The following RBM20 variants were observed in gnomAD, a reference collection of about 807,000 sequenced individuals.
RBM20 encodes RNA binding motif protein 20.
A neutral mutation model predicts 110.1 loss-of-function variants in RBM20; 51 were observed. The observed-to-expected ratio is 0.46, with a 90% CI of 0.37 to 0.59. The LOEUF (loss-of-function observed/expected upper bound fraction) is 0.59. Among genes scored for constraint, RBM20 ranks in the 20% least tolerant of loss-of-function variants. RBM20 has a pLI of 0.00. For synonymous variants in RBM20, 589 were observed against 618.2 expected (o/e 0.95, Z 0.70); for missense variants, 1,512 against 1,574.9 (o/e 0.96, Z 0.68).
intron 1 of RBM20, among the ~76,000 whole-genome samples, chr10:110,738,512 A>AC (rs923255910): frequency 4.0e-5 from 6 of 151,882 alleles, no homozygotes; most frequent in African/African-American, 1.4e-4. Context: ...CACGGCCCGA[A>AC]CCCCCCGTGG....
At chr10:110,726,843 TTTTTG>T (rs1430174279) in intron 1 of RBM20, among the ~76,000 whole-genome samples, 2 of 152,104 alleles carry the variant, frequency 1.3e-5, no homozygotes, top group Non-Finnish European at 2.9e-5. Flanking sequence ...TGAGCCTGTA[TTTTTG>T]TTTTGTTTTA....
chr10:110,710,535 T>C (rs1244161219), intron 1 of RBM20, among the ~76,000 whole-genome samples: 1 of 152,238 alleles, frequency 6.6e-6, no homozygotes, highest in Non-Finnish European at 1.5e-5. Context: ...TCTTCAGTTC[T>C]CTGCCTCCCA....
intron 1 of RBM20, among the ~76,000 whole-genome samples, chr10:110,712,322 A>G (rs1315191173): frequency 6.6e-6 from 1 of 152,222 alleles, no homozygotes; most frequent in Non-Finnish European, 1.5e-5. Flanking sequence ...AGTAGCAATA[A>G]TAGTGGTGGT....
At position 110,781,285 on chromosome 10, in the gene RBM20, G is replaced by A. The variant is rs1033220280; in HGVS notation, c.676G>A (p.Ala226Thr). The part of the protein sequence containing the change: ...IGKTGPAPAT[A>T]GFYEYGKASS... ...CAAGACTGGGCCTGCTCCAGCTACA[G>A]CAGGATTCTATGAGTATGGCAAAGC... Residue 226 changes from alanine (A) to threonine (T), a missense_variant, in exon 2 of 14, where the codon GCA (alanine) becomes ACA (threonine). Around this residue, in one of 3 missense-constraint regions of RBM20, gnomAD observed 1,149 missense variants for 1,169.4 expected, o/e 0.98. Coordinates refer to ENST00000369519, the MANE Select transcript of RBM20 (RefSeq NM_001134363.3). The A allele has an allele frequency of 2.6e-6, 4 of 1,551,594 alleles. No individual in the cohort carries two copies. The highest frequency in any genetic ancestry group is 3.5e-6 in the Non-Finnish European group (4 of 1,147,000).
intron 1 of RBM20, among the ~76,000 whole-genome samples, chr10:110,694,257 T>C (rs956209059): frequency 3.3e-5 from 5 of 152,226 alleles, no homozygotes; most frequent in Admixed American, 6.5e-5. Context: ...ATGAACCGAA[T>C]GAAACCAAAG....
At chr10:110,803,112 C>G (rs1316309345) in intron 7 of RBM20, among the ~76,000 whole-genome samples, 1 of 152,132 alleles carries the variant, frequency 6.6e-6, no homozygotes, top group Non-Finnish European at 1.5e-5. Flanking sequence ...AGTCCCGGTA[C>G]TCTGGGGCAA....
chr10:110,687,993 TTTTG>T (rs1280947778), intron 1 of RBM20, among the ~76,000 whole-genome samples: 19 of 103,524 alleles, frequency 1.8e-4, no homozygotes, highest in African/African-American at 6.2e-4. Context: ...TCCTAAATGG[TTTTG>T]TGTGTGTGTG....
chr10:110,794,358 A>C (rs1051779423), intron 5 of RBM20, among the ~76,000 whole-genome samples: 5 of 152,216 alleles, frequency 3.3e-5, no homozygotes, highest in African/African-American at 7.2e-5. Context: ...GAACACATAA[A>C]AATTAATTTA....
At chr10:110,723,316 G>A (rs1023593363) in intron 1 of RBM20, among the ~76,000 whole-genome samples, 37 of 152,106 alleles carry the variant, frequency 2.4e-4, no homozygotes, top group African/African-American at 7.2e-4. Context: ...AAGAAACTGC[G>A]TACCCATTAG....
In RBM20 at chr10:110,781,276, C is replaced by T; in HGVS notation, c.667C>T (p.Pro223Ser). 6.4e-7 allele frequency: 1 copy of T among 1,551,572 alleles called. No homozygotes were observed. The highest frequency in any genetic ancestry group is 2.4e-5 in the East Asian group (1 of 40,936). The change falls in exon 2 of 14, where the codon CCA becomes TCA. Residue 223 changes from proline to serine, a missense_variant. Transcript: ENST00000369519. The stretch of plus-strand genomic sequence containing the variant: ...GGGCATTGGCAAGACTGGGCCTGCT[C>T]CAGCTACAGCAGGATTCTATGAGTA... Reference protein sequence around the residue: ...ILGIGKTGPAPATAGFYEYGK... With the variant: ...ILGIGKTGPASATAGFYEYGK...
At chr10:110,820,363 A>G (rs145176184) in intron 10 of RBM20, among the ~76,000 whole-genome samples, 187 bp downstream of exon 10, 1 of 152,270 alleles carries the variant, frequency 6.6e-6, no homozygotes, top group African/African-American at 2.4e-5. Context: ...GACAGTTTTT[A>G]TTGAAGCGAT....
intron 6 of RBM20, among the ~76,000 whole-genome samples, 190 bp downstream of exon 6, chr10:110,797,838 C>T (rs918995741): frequency 1.3e-5 from 2 of 152,168 alleles, no homozygotes; most frequent in African/African-American, 4.8e-5. Context: ...CTCTAACCTT[C>T]TAGTGATAGG....
At chr10:110,709,981 C>T (rs1457105285) in intron 1 of RBM20, among the ~76,000 whole-genome samples, 2 of 152,116 alleles carry the variant, frequency 1.3e-5, no homozygotes, top group Admixed American at 1.3e-4. Flanking sequence ...CCAGGGACTC[C>T]AAGACATGTG....
At chr10:110,765,343 A>G (rs140781590) in intron 1 of RBM20, among the ~76,000 whole-genome samples, 1 of 152,002 alleles carries the variant, frequency 6.6e-6, no homozygotes, top group Non-Finnish European at 1.5e-5. Flanking sequence ...GTGTTGACTC[A>G]TTCTGGACCA....
At chr10:110,659,764 CTCTTCT>C (rs568776187) in intron 1 of RBM20, among the ~76,000 whole-genome samples, 1 of 150,100 alleles carries the variant, frequency 6.7e-6, no homozygotes, top group Non-Finnish European at 1.5e-5. Flanking sequence ...CTTCCTCTTC[CTCTTCT>C]TCCTCTTCCT....
rs1243243290 is a variant in RBM20 at position 110,781,830 on chromosome 10, C to G, written c.1221C>G (p.Pro407=). 6 of 1,551,784 alleles carry G rather than the reference C, an allele frequency of 3.9e-6. No homozygotes were observed. Among genetic ancestry groups the G allele is most frequent in the Non-Finnish European group, 5.2e-6 (6 of 1,147,018 alleles). ...TGAACGACTTTCACGGTGTGGCCCC[C>G]CTCCACTTGCCGCATATCTGTAGCA... ...HELNDFHGVA[P]LHLPHICSIC... is the part of the protein sequence containing the mutation. The change falls in exon 2 of 14, where the codon CCC becomes CCG. Residue 407 remains proline (P), a synonymous_variant. Transcript: ENST00000369519.
intron 5 of RBM20, among the ~76,000 whole-genome samples, chr10:110,785,153 A>G (rs1264571518): frequency 6.6e-6 from 1 of 152,176 alleles, no homozygotes; most frequent in African/African-American, 2.4e-5. Flanking sequence ...TCACCCTGAA[A>G]TGCTTGTTGC....
intron 1 of RBM20, among the ~76,000 whole-genome samples, chr10:110,668,319 A>C (rs1051269402): frequency 1.2e-4 from 18 of 152,162 alleles, no homozygotes; most frequent in African/African-American, 4.1e-4. Context: ...GTCTTCACCC[A>C]TCTCAGCTTC....
At chr10:110,656,262 A>G (rs1862025319) in intron 1 of RBM20, among the ~76,000 whole-genome samples, 1 of 152,224 alleles carries the variant, frequency 6.6e-6, no homozygotes, top group South Asian at 2.1e-4. Context: ...CTGTGGAGAT[A>G]GCGCCATTGC....
Sources: allele counts gnomAD v4.1 joint callset (sites outside exome capture counted in the v4.1 genomes callset), GRCh38; gene constraint gnomAD v4.1.1; regional missense constraint gnomAD v4.1.1; transcripts MANE v1.5; gene names NCBI Gene and HGNC (gene_info 2026-07-23, HGNC 2026-07-21).